CMC2: variants seen among roughly 807,000 people sequenced by gnomAD.
The protein encoded by CMC2 is C-X9-C motif containing 2.
In CMC2, 5 loss-of-function variants were observed where a neutral mutation model predicts 7.5. That is an observed-to-expected ratio of 0.66 (90% CI 0.35 to 1.40). The LOEUF (loss-of-function observed/expected upper bound fraction) is 1.40. Among genes scored for constraint, CMC2 ranks in the 40% most tolerant of loss-of-function variants. CMC2 has a pLI of 0.04. For synonymous variants in CMC2, 37 were observed against 31.4 expected, an observed-to-expected ratio of 1.18 and a Z score of -0.60; for missense variants, 115 against 92.3, an observed-to-expected ratio of 1.25 and a Z score of -1.01.
Position 80,970,408 on chromosome 16 carries a change from G to A in CMC2, c.*5685C>T, listed in dbSNP as rs1208791141. Reference sequence around the variant, plus strand: ...GGAAGGCACACTAGAAGGAGGTGCAGTAGAGGTTGAGCAAGTCTATCTACA... The same window carrying A: ...GGAAGGCACACTAGAAGGAGGTGCAATAGAGGTTGAGCAAGTCTATCTACA... On this transcript the variant is annotated 3_prime_UTR_variant, in exon 4 of 4. Coordinates refer to ENST00000219400, the MANE Select transcript of CMC2 (RefSeq NM_020188.5). 1.3e-5 allele frequency: 2 copies of A among 152,208 alleles called. No individual in the cohort carries two copies. The highest frequency in any genetic ancestry group is 4.8e-5 in the African/African-American group (2 of 41,442). The allele number at this position is 152,208 out of a possible 1,614,324, so 9.4% of individuals were successfully genotyped here.
chr16:80,989,458 C>T (rs1412197094), intron 2 of CMC2, among the ~76,000 whole-genome samples: 1 of 152,150 alleles, frequency 6.6e-6, no homozygotes, highest in Non-Finnish European at 1.5e-5. Context: ...TTCAAGCTAG[C>T]CCCTGTCCTT....
At chr16:80,983,688 A>C (rs922977626) in intron 2 of CMC2, 2 of 152,232 alleles carry the variant, frequency 1.3e-5, no homozygotes, top group Non-Finnish European at 2.9e-5. Flanking sequence ...AAATACATCA[A>C]ATAAGTAACA....
chr16:80,977,794 G>A (rs1336051871), intron 3 of CMC2, among the ~76,000 whole-genome samples: 6 of 152,184 alleles, frequency 3.9e-5, no homozygotes, highest in East Asian at 3.8e-4. Flanking sequence ...ACTTCAGGCC[G>A]GGTGCGGTGA....
intron 3 of CMC2, among the ~76,000 whole-genome samples, chr16:80,979,240 T>G (rs369710721): frequency 6.6e-6 from 1 of 152,058 alleles, no homozygotes; most frequent in African/African-American, 2.4e-5. Flanking sequence ...CAGAAAAACA[T>G]CTACAAATTA....
At chr16:80,982,436 G>C (rs1363169937) in intron 2 of CMC2, 2 of 150,284 alleles carry the variant, frequency 1.3e-5, no homozygotes, top group African/African-American at 4.9e-5. Flanking sequence ...TTAAACCCAG[G>C]AGGCGGAGGA....
rs1018099664 is a variant in CMC2 at position 80,967,068 on chromosome 16, A to G, written c.*9025T>C. 1 of 152,224 alleles carries G rather than the reference A, an allele frequency of 6.6e-6. No individual in the cohort carries two copies. Among genetic ancestry groups the G allele is most frequent in the Non-Finnish European group, 1.5e-5 (1 of 68,024 alleles). The allele number at this position is 152,224 out of a possible 1,614,324, so 9.4% of individuals were successfully genotyped here. A position where few individuals can be genotyped will look rare whatever the true frequency, so the allele number is the denominator to read the frequency against. ...TCACTAAAAATTCATTCATTCAGTGAAAAAGCATTTATTGAATACCAATTA... is the reference window on the plus strand; with the variant it reads ...TCACTAAAAATTCATTCATTCAGTGGAAAAGCATTTATTGAATACCAATTA... On this transcript the variant is annotated 3_prime_UTR_variant, in exon 4 of 4. Transcript: ENST00000219400.
At chr16:80,979,087 T>TA (rs199590637) in intron 3 of CMC2, among the ~76,000 whole-genome samples, 2 of 149,718 alleles carry the variant, frequency 1.3e-5, no homozygotes, top group African/African-American at 5.0e-5. Context: ...GCAAAAAAAA[T>TA]AAAAAAATAA....
At position 80,972,105 on chromosome 16, in the gene CMC2, C is replaced by T. The variant is rs1475110262; in HGVS notation, c.*3988G>A. 1 of 152,292 alleles carries T rather than the reference C, an allele frequency of 6.6e-6. No individual in the cohort carries two copies. Among genetic ancestry groups the T allele is most frequent in the Admixed American group, 6.5e-5 (1 of 15,282 alleles). 9.4% of individuals were successfully genotyped at this position (152,292 alleles called of 1,614,324 possible). The stretch of plus-strand genomic sequence containing the variant: ...ACAGGCCTCTAGCCCAGGCCACCTG[C>T]TCCATCTGATACCAGAGGCAGGAGA... On this transcript the variant is annotated 3_prime_UTR_variant, in exon 4 of 4. Coordinates refer to ENST00000219400, the MANE Select transcript of CMC2 (RefSeq NM_020188.5).
chr16:81,001,958 G>C (rs1470974296), intron 1 of CMC2, among the ~76,000 whole-genome samples: 1 of 152,056 alleles, frequency 6.6e-6, no homozygotes, highest in South Asian at 2.1e-4. Context: ...AATTTTGTTT[G>C]CCTGCCACTG....
chr16:80,998,461 G>C (rs1351476846), intron 1 of CMC2: 1 of 151,990 alleles, frequency 6.6e-6, no homozygotes, highest in Non-Finnish European at 1.5e-5. Flanking sequence ...TGTGGAAACT[G>C]GTATAGCAGT....
rs944333338 is a variant in CMC2, at chr16:80,973,420, G to C, written c.*2673C>G. On this transcript the variant is annotated 3_prime_UTR_variant, in exon 4 of 4. Transcript: ENST00000219400. ...ACAATATTGAGGGGGCCCTTACTTT[G>C]TGCCAGATAATCTATCACATACATC... 6.6e-6 allele frequency: 1 copy of C among 152,142 alleles called. No homozygotes were observed. The highest frequency in any genetic ancestry group is 1.5e-5 in the Non-Finnish European group (1 of 68,032). 9.4% of individuals were successfully genotyped at this position (152,142 alleles called of 1,614,324 possible).
rs1368630803 is a variant in CMC2, at chr16:80,967,086, A to T, written c.*9007T>A. 2 of 152,226 alleles carry T rather than the reference A, an allele frequency of 1.3e-5. No individual in the cohort carries two copies. Among genetic ancestry groups the T allele is most frequent in the Non-Finnish European group, 2.9e-5 (2 of 68,042 alleles). The allele number at this position is 152,226 out of a possible 1,614,324, so 9.4% of individuals were successfully genotyped here. A position where few individuals can be genotyped will look rare whatever the true frequency, so the allele number is the denominator to read the frequency against. ...TTCAGTGAAAAAGCATTTATTGAAT[A>T]CCAATTATGTGTTAACCACTGTCCT... On this transcript the variant is annotated 3_prime_UTR_variant, in exon 4 of 4. Coordinates refer to ENST00000219400, the MANE Select transcript of CMC2 (RefSeq NM_020188.5).
At chr16:80,990,176 T>C (rs1567520301) in intron 2 of CMC2, among the ~76,000 whole-genome samples, 1 of 152,116 alleles carries the variant, frequency 6.6e-6, no homozygotes, top group African/African-American at 2.4e-5. Context: ...ATAATTTTTT[T>C]CTGTTGTTTT....
At chr16:80,989,461 C>T (rs1200191389) in intron 2 of CMC2, among the ~76,000 whole-genome samples, 1 of 152,170 alleles carries the variant, frequency 6.6e-6, no homozygotes, top group Non-Finnish European at 1.5e-5. Context: ...AAGCTAGCCC[C>T]TGTCCTTTTA....
Position 80,970,592 on chromosome 16 carries a change from T to G in CMC2, c.*5501A>C, listed in dbSNP as rs1911847277. 2 of 152,278 alleles carry G rather than the reference T, an allele frequency of 1.3e-5. 1 individual carries two copies. 9.4% of individuals were successfully genotyped at this position (152,278 alleles called of 1,614,324 possible). ...ACTGAATGTTCTAAGTACAATAAAATAAGGAAGTATAAACATTGGAAAGAA... is the reference window on the plus strand; with the variant it reads ...ACTGAATGTTCTAAGTACAATAAAAGAAGGAAGTATAAACATTGGAAAGAA... On this transcript the variant is annotated 3_prime_UTR_variant, in exon 4 of 4. Transcript: ENST00000219400.
intron 2 of CMC2, among the ~76,000 whole-genome samples, chr16:80,994,734 T>C (rs1326058631): frequency 6.6e-6 from 1 of 152,234 alleles, no homozygotes; most frequent in Non-Finnish European, 1.5e-5. Context: ...TAGAGTAGTA[T>C]AAAATGGAAA....
chr16:80,970,343 G>A lies in CMC2; in HGVS notation c.*5750C>T, dbSNP rs1336580646. ...TGGAATCCTAACTGTAAAGGAATTG[G>A]AGAAAATGCAGTATTTAGCTTTTGA... On this transcript the variant is annotated 3_prime_UTR_variant, in exon 4 of 4. Transcript: ENST00000219400. 6.6e-6 allele frequency: 1 copy of A among 152,186 alleles called. No homozygotes were observed. Among genetic ancestry groups the A allele is most frequent in the African/African-American group, 2.4e-5 (1 of 41,422 alleles). 9.4% of individuals were successfully genotyped at this position (152,186 alleles called of 1,614,324 possible).
Position 80,969,035 on chromosome 16 carries a change from T to A in CMC2, c.*7058A>T, listed in dbSNP as rs192839073. The A allele has an allele frequency of 6.6e-6, 1 of 152,334 alleles. No homozygotes were observed. The highest frequency in any genetic ancestry group is 6.5e-5 in the Admixed American group (1 of 15,306). 9.4% of individuals were successfully genotyped at this position (152,334 alleles called of 1,614,324 possible). A position where few individuals can be genotyped will look rare whatever the true frequency, so the allele number is the denominator to read the frequency against. On this transcript the variant is annotated 3_prime_UTR_variant, in exon 4 of 4. Coordinates refer to ENST00000219400, the MANE Select transcript of CMC2 (RefSeq NM_020188.5). Reference sequence around the variant, plus strand: ...AGAGTAAGGCCAGTGTGACTCACCTTGGGCTCTGAGCAGAAAAAATATGTT... The same window carrying A: ...AGAGTAAGGCCAGTGTGACTCACCTAGGGCTCTGAGCAGAAAAAATATGTT...
Position 80,971,562 on chromosome 16 carries a change from T to TATATATATATATA in CMC2, c.*4530_*4531insTATATATATATAT, listed in dbSNP as rs1555512297. The stretch of plus-strand genomic sequence containing the variant: ...GGCTATGGATACTGACATACATACA[T>TATATATATATATA]TTTATATATATATATATATATATGT... On this transcript the variant is annotated 3_prime_UTR_variant, in exon 4 of 4. Transcript: ENST00000219400. The TATATATATATATA allele has an allele frequency of 9.7e-3, 737 of 75,746 alleles. 11 individuals are homozygous for TATATATATATATA. Among genetic ancestry groups the TATATATATATATA allele is most frequent in the South Asian group, 0.017 (56 of 3,324 alleles). The allele number at this position is 75,746 out of a possible 1,614,324, so 4.7% of individuals were successfully genotyped here.
Sources: gnomAD v4.1 joint callset for allele counts (sites outside exome capture counted in the v4.1 genomes callset) on GRCh38, gnomAD v4.1.1 for gene constraint, MANE v1.5 for transcripts, NCBI Gene and HGNC (gene_info 2026-07-23, HGNC 2026-07-21) for gene names.